EBF2: variants seen among roughly 807,000 people sequenced by gnomAD.
EBF2 encodes the protein transcription factor COE2.
A neutral mutation model predicts 72.8 loss-of-function variants in EBF2; 21 were observed. The ratio of observed to expected loss-of-function variants is 0.29; its 90% confidence interval spans 0.20 to 0.42. EBF2 has a LOEUF of 0.42. Among genes scored for constraint, EBF2 ranks in the 10% least tolerant of loss-of-function variants. The pLI, the probability that EBF2 is intolerant of heterozygous loss-of-function variation, is 1.00. For synonymous variants in EBF2, 299 were observed against 274.2 expected, an observed-to-expected ratio of 1.09 and a Z score of -0.89; for missense variants, 637 against 731.2, an observed-to-expected ratio of 0.87 and a Z score of 1.49.
Position 26,035,829 on chromosome 8 carries a change from G to T in EBF2, c.483-2676C>A, listed in dbSNP as rs139195735. Among the ~76,000 whole-genome samples, 557 of 152,206 alleles carry T rather than the reference G, an allele frequency of 3.7e-3. 6 individuals carry two copies. Among genetic ancestry groups the T allele is most frequent in the African/African-American group, 0.013 (539 of 41,520 alleles). On this transcript the variant is annotated intron_variant, in intron 5 of 15. Transcript: ENST00000520164. ...TCCCAAGATTAACACCAATAAAAAT[G>T]CAGGCCAGCTGCTCTCCCACCTCCT...
chr8:26,041,717 C>T (rs904830073), intron 2 of EBF2, among the ~76,000 whole-genome samples: 5 of 152,168 alleles, frequency 3.3e-5, no homozygotes, highest in Non-Finnish European at 7.3e-5. Context: ...CCACTTAGTG[C>T]CGCAACTCAG....
At chr8:25,997,194 A>G (rs968741761) in intron 6 of EBF2, among the ~76,000 whole-genome samples, 1 of 152,072 alleles carries the variant, frequency 6.6e-6, no homozygotes, top group African/African-American at 2.4e-5. Context: ...ATTTCATGCT[A>G]TGGTTTCATT....
chr8:25,850,551 C>T (rs755978509), intron 15 of EBF2, 43 bp downstream of exon 15: 3 of 1,485,930 alleles, frequency 2.0e-6, no homozygotes, highest in Non-Finnish European at 2.7e-6. Flanking sequence ...CTTTGCCAAC[C>T]CTATGGTACA....
chr8:26,005,666 C>CA (rs1464123069), intron 6 of EBF2, among the ~76,000 whole-genome samples: 2 of 139,724 alleles, frequency 1.4e-5, no homozygotes, highest in South Asian at 2.2e-4. Flanking sequence ...TCTGTCTCTA[C>CA]AAAAAAAATT....
intron 6 of EBF2, among the ~76,000 whole-genome samples, chr8:26,005,597 G>A: frequency 1.3e-5 from 1 of 76,896 alleles, no homozygotes; most frequent in South Asian, 4.2e-4. Flanking sequence ...GGGAACTAAG[G>A]CAGGAGGCTC....
At chr8:25,862,612 CTAAT>C in intron 11 of EBF2, 93 bp downstream of exon 11, 1 of 883,966 alleles carries the variant, frequency 1.1e-6, no homozygotes, top group Non-Finnish European at 1.7e-6. Context: ...ATTTCAAGGC[CTAAT>C]TAATTTTAAT....
chr8:25,858,407 A>G lies in EBF2; in HGVS notation c.1440T>C (p.Asn480=), dbSNP rs1802139965. ...SNYSTSSNSM[N]GYSNVPMANL... is the part of the protein sequence containing the mutation. ...TGGCCATGGGGACATTGCTGTAGCC[A>G]TTCATACTGTTGCTGGAGGTACTGT... The change falls in exon 14 of 16, where the codon AAT becomes AAC. Residue 480 remains asparagine, a synonymous_variant. Transcript: ENST00000520164. 6.2e-7 allele frequency: 1 copy of G among 1,614,068 alleles called. No individual in the cohort carries two copies. The highest frequency in any genetic ancestry group is 8.5e-7 in the Non-Finnish European group (1 of 1,180,040).
chr8:26,005,919 G>A (rs940783731), intron 6 of EBF2, among the ~76,000 whole-genome samples: 35 of 151,634 alleles, frequency 2.3e-4, no homozygotes, highest in African/African-American at 4.4e-4. Flanking sequence ...CAAAGTAGCC[G>A]CAGTTTAATT....
At position 26,025,525 on chromosome 8, in the gene EBF2, G is replaced by C. The variant is rs960222841; in HGVS notation, c.551+7560C>G. 5.9e-5 allele frequency among the ~76,000 whole-genome samples: 9 copies of C among 152,196 alleles called. No homozygotes were observed. In the South Asian group the frequency reaches 1.2e-3, roughly 21 times the overall value. On this transcript the variant is annotated intron_variant, in intron 6 of 15. Transcript: ENST00000520164. ...TGTCAGGAAGCTGGCCAGGCAAGCA[G>C]AATAAGTGTAATTCTTAAATACTAA...
chr8:25,850,499 G>A (rs2117247062), intron 15 of EBF2, 95 bp downstream of exon 15: 1 of 1,353,554 alleles, frequency 7.4e-7, no homozygotes. Flanking sequence ...CTCTTTGCAG[G>A]TAAATGGCTG....
At chr8:25,881,143 C>G (rs1414017087) in intron 10 of EBF2, among the ~76,000 whole-genome samples, 2 of 152,222 alleles carry the variant, frequency 1.3e-5, no homozygotes, top group Admixed American at 1.3e-4. Context: ...GGCTTCCAAG[C>G]CATCCTCTGC....
At chr8:25,983,378 G>A (rs940528580) in intron 6 of EBF2, among the ~76,000 whole-genome samples, 2 of 152,180 alleles carry the variant, frequency 1.3e-5, no homozygotes, top group Non-Finnish European at 2.9e-5. Flanking sequence ...ATGCAAAAGG[G>A]CTGAAAGTTA....
rs1015900066 is a variant in EBF2, at chr8:25,843,601, G to A, written c.*1008C>T. Reference sequence around the variant, plus strand: ...CTTGGGATGCTGAAAGCCTGAGACAGACTCAAACATGGGAATTCTCTGGAC... The same window carrying A: ...CTTGGGATGCTGAAAGCCTGAGACAAACTCAAACATGGGAATTCTCTGGAC... On this transcript the variant is annotated 3_prime_UTR_variant, in exon 16 of 16. Coordinates refer to ENST00000520164, the MANE Select transcript of EBF2 (RefSeq NM_022659.4). 2 of 152,268 alleles carry A rather than the reference G, an allele frequency of 1.3e-5. No individual in the cohort carries two copies. The highest frequency in any genetic ancestry group is 3.9e-4 in the East Asian group (2 of 5,190). The allele number at this position is 152,268 out of a possible 1,614,324, so 9.4% of individuals were successfully genotyped here. A position where few individuals can be genotyped will look rare whatever the true frequency, so the allele number is the denominator to read the frequency against.
Position 26,044,798 on chromosome 8 carries a change from G to T in EBF2, c.62C>A (p.Ala21Glu), listed in dbSNP as rs939749726. 2 of 1,614,098 alleles carry T rather than the reference G, an allele frequency of 1.2e-6. No individual in the cohort carries two copies. Among genetic ancestry groups the T allele is most frequent in the East Asian group, 2.2e-5 (1 of 44,868 alleles). Residue 21 changes from alanine to glutamate, a missense_variant, in exon 1 of 16, where the codon GCG becomes GAG. Physicochemically the swap from Ala to Glu is moderately radical, Grantham distance 107 (BLOSUM62 -1). Coordinates refer to ENST00000520164, the MANE Select transcript of EBF2 (RefSeq NM_022659.4). This position sits in a 1 kb window ranked among gnomAD's most constrained non-coding sequence, Gnocchi z 4.1. ...CCAGGACCTGACCGAATCCATCTCC[G>T]CGCCCAGCGATTTCTCTTTCAGAGT... ...GPTLKEKSLG[A>E]EMDSVRSWVR...
chr8:25,929,222 G>A (rs893599469), intron 6 of EBF2, among the ~76,000 whole-genome samples: 2 of 152,162 alleles, frequency 1.3e-5, no homozygotes, highest in African/African-American at 4.8e-5. Context: ...CACAGACAAG[G>A]AAACTGAGGT....
chr8:26,008,087 G>T (rs1804912193), intron 6 of EBF2, among the ~76,000 whole-genome samples: 1 of 151,894 alleles, frequency 6.6e-6, no homozygotes, highest in Non-Finnish European at 1.5e-5. Context: ...AGCAGGGCCT[G>T]GGAGATCTTC....
chr8:26,006,049 C>G (rs990418409), intron 6 of EBF2, among the ~76,000 whole-genome samples: 2 of 152,026 alleles, frequency 1.3e-5, no homozygotes, highest in African/African-American at 4.8e-5. Flanking sequence ...CACAAGGAGC[C>G]AAACATCCTT....
chr8:25,897,988 G>A (rs1585186693), intron 7 of EBF2, among the ~76,000 whole-genome samples: 1 of 152,096 alleles, frequency 6.6e-6, no homozygotes, highest in Non-Finnish European at 1.5e-5. Flanking sequence ...TCAGTCACTG[G>A]GTATTTATTG....
intron 7 of EBF2, among the ~76,000 whole-genome samples, chr8:25,902,653 G>A (rs1244196850): frequency 6.6e-6 from 1 of 152,012 alleles, no homozygotes; most frequent in Non-Finnish European, 1.5e-5. Context: ...CAGTCTATTG[G>A]ACAGACAAAC....
Sources: gnomAD v4.1 joint callset for allele counts (sites outside exome capture counted in the v4.1 genomes callset) on GRCh38, gnomAD v4.1.1 for gene constraint, Gnocchi (gnomAD v3.1) non-coding constraint, MANE v1.5 for transcripts, NCBI Gene and HGNC (gene_info 2026-07-23, HGNC 2026-07-21) for gene names.